Variants in CTDSPL observed in about 807,000 individuals in gnomAD.
CTDSPL encodes the protein CTD small phosphatase-like protein.
Under a neutral mutation model 30.5 loss-of-function variants are expected in CTDSPL, and 8 were observed. The ratio of observed to expected loss-of-function variants is 0.26; its 90% CI spans 0.15 to 0.47. The LOEUF (loss-of-function observed/expected upper bound fraction) is 0.47. CTDSPL is among the 20% of genes least tolerant of loss of function. The probability of loss-of-function intolerance (pLI) is 0.99; values close to 1 mark genes in which losing one functional copy is unlikely to be tolerated. For synonymous variants in CTDSPL, 110 were observed against 137.9 expected (o/e 0.80, Z 1.42); for missense variants, 248 against 366.1 (o/e 0.68, Z 2.63).
intron 1 of CTDSPL, chr3:37,911,822 G>GC (rs1160228122): frequency 2.4e-6 from 1 of 424,696 alleles, no homozygotes; most frequent in African/African-American, 2.0e-5. Flanking sequence ...ACTTTGGGAG[G>GC]CCAAGGTGGG....
intron 1 of CTDSPL, among the ~76,000 whole-genome samples, chr3:37,942,754 C>T (rs1425147823): frequency 6.6e-6 from 1 of 150,526 alleles, no homozygotes; most frequent in Non-Finnish European, 1.5e-5. Flanking sequence ...CCCCATTTTA[C>T]AGATAAAGAA....
intron 1 of CTDSPL, among the ~76,000 whole-genome samples, chr3:37,865,760 A>T (rs1446914569): frequency 6.6e-6 from 1 of 152,166 alleles, no homozygotes; most frequent in Non-Finnish European, 1.5e-5. Context: ...GGGCTGGAAA[A>T]AGAGTGCCAG....
rs1012297139 is a variant in CTDSPL, at chr3:37,862,146, C to T, written c.-54C>T. The T allele has an allele frequency of 1.7e-5, 16 of 941,858 alleles. No homozygotes were observed. Among genetic ancestry groups the T allele is most frequent in the Non-Finnish European group, 2.0e-5 (16 of 792,630 alleles). 58.3% of individuals were successfully genotyped at this position (941,858 alleles called of 1,614,324 possible). A position where few individuals can be genotyped will look rare whatever the true frequency, so the allele number is the denominator to read the frequency against. On this transcript the variant is annotated 5_prime_UTR_variant, in exon 1 of 8. Coordinates refer to ENST00000273179, the MANE Select transcript of CTDSPL (RefSeq NM_001008392.2). The surrounding 1 kb of genome is among the most constrained non-coding windows in gnomAD (Gnocchi z 4.3). ...CCGCGCCCCCCGCGCCGCGCCCCCG[C>T]GCGCTTGGCTTGCGGGGGGCCGGGC... is the stretch of plus-strand genomic sequence containing the variant.
intron 1 of CTDSPL, among the ~76,000 whole-genome samples, chr3:37,885,046 A>C (rs1258306885): frequency 6.6e-6 from 1 of 152,208 alleles, no homozygotes; most frequent in Non-Finnish European, 1.5e-5. Flanking sequence ...ATGGAGTTAG[A>C]GGGTGGCCCA....
intron 5 of CTDSPL, chr3:37,969,362 A>G (rs769257509): frequency 2.0e-6 from 1 of 508,430 alleles, no homozygotes; most frequent in Admixed American, 2.1e-5. Flanking sequence ...GAATGAAGCC[A>G]CAGGAGCCAA....
rs112119621 is a variant in CTDSPL, at chr3:37,900,889, C to G, written c.79+38611C>G. Among the ~76,000 whole-genome samples, 222 of 152,324 alleles carry G rather than the reference C, an allele frequency of 1.5e-3. 2 individuals carry two copies. The highest frequency in any genetic ancestry group is 5.1e-3 in the African/African-American group (212 of 41,578). Reference sequence around the variant, plus strand: ...TCTCGGCTTACTGCAACCTCCGTCTCCCAATTCAAGCAATTCTCCTGCCTC... The same window carrying G: ...TCTCGGCTTACTGCAACCTCCGTCTGCCAATTCAAGCAATTCTCCTGCCTC... On this transcript the variant is annotated intron_variant, in intron 1 of 7. Coordinates refer to ENST00000273179, the MANE Select transcript of CTDSPL (RefSeq NM_001008392.2).
rs1050185819 is a variant in CTDSPL, at chr3:37,944,454, T to C, written c.80-2603T>C. On this transcript the variant is annotated intron_variant, in intron 1 of 7. Coordinates refer to ENST00000273179, the MANE Select transcript of CTDSPL (RefSeq NM_001008392.2). ...GTTTATGAGCAAATCAAGGACCTTC[T>C]GGATGATAGCTGGGGGAGAGAAGTA... Among the ~76,000 whole-genome samples the C allele has an allele frequency of 2.0e-5, 3 of 150,268 alleles. 1 individual carries two copies. The highest frequency in any genetic ancestry group is 4.5e-5 in the Non-Finnish European group (3 of 67,102).
intron 1 of CTDSPL, among the ~76,000 whole-genome samples, chr3:37,939,805 A>T (rs1199097104): frequency 6.6e-6 from 1 of 150,466 alleles, no homozygotes; most frequent in African/African-American, 2.4e-5. Context: ...TCAAGAAGGC[A>T]TTTCTGGGCT....
At chr3:37,954,788 A>T (rs1699150902) in intron 2 of CTDSPL, 1 of 152,258 alleles carries the variant, frequency 6.6e-6, no homozygotes, top group African/African-American at 2.4e-5. Context: ...GGCTGGGAGG[A>T]GTCAGCACCC....
At chr3:37,883,940 C>A (rs1341244916) in intron 1 of CTDSPL, among the ~76,000 whole-genome samples, 1 of 152,044 alleles carries the variant, frequency 6.6e-6, no homozygotes, top group Non-Finnish European at 1.5e-5. Context: ...CTTTTTCATT[C>A]TTGATATTAG....
intron 4 of CTDSPL, among the ~76,000 whole-genome samples, chr3:37,967,472 C>T (rs1699310784): frequency 6.6e-6 from 1 of 152,242 alleles, no homozygotes; most frequent in African/African-American, 2.4e-5. Context: ...ACATGCTCAG[C>T]TCCTCCCCCT....
chr3:37,865,496 A>C, intron 1 of CTDSPL, among the ~76,000 whole-genome samples: 1 of 152,264 alleles, frequency 6.6e-6, no homozygotes, highest in African/African-American at 2.4e-5. Context: ...TAAAGTGAGT[A>C]CAGAGTTTTT....
chr3:37,911,544 T>C (rs975399823), intron 1 of CTDSPL: 1 of 372,296 alleles, frequency 2.7e-6, no homozygotes, highest in Admixed American at 3.1e-5. Flanking sequence ...CTTCTTTATC[T>C]GAATTAGCTA....
At position 37,862,343 on chromosome 3, in the gene CTDSPL, C is replaced by T. The variant is rs1005657422; in HGVS notation, c.79+65C>T. ...GCACACCCCGCGCCGCTGGAGTTCA[C>T]TGCCGGGCGCCGGCATGGGCCTGGG... is the stretch of plus-strand genomic sequence containing the variant. On this transcript the variant is annotated intron_variant, in intron 1 of 7. Coordinates refer to ENST00000273179, the MANE Select transcript of CTDSPL (RefSeq NM_001008392.2). The surrounding 1 kb of genome is among the most constrained non-coding windows in gnomAD (Gnocchi z 4.3). The T allele has an allele frequency of 3.0e-6, 4 of 1,345,542 alleles. No individual in the cohort carries two copies. Among genetic ancestry groups the T allele is most frequent in the African/African-American group, 3.1e-5 (2 of 64,342 alleles). 83.4% of individuals were successfully genotyped at this position (1,345,542 alleles called of 1,614,324 possible).
chr3:37,900,092 T>A (rs1177997964), intron 1 of CTDSPL, among the ~76,000 whole-genome samples: 1 of 152,188 alleles, frequency 6.6e-6, no homozygotes, highest in Non-Finnish European at 1.5e-5. Context: ...AAAATGAGAA[T>A]TTTTGTTGCC....
Position 37,927,632 on chromosome 3 carries a change from ATATATGTGTGTGTG to A in CTDSPL, c.80-19423_80-19410del, listed in dbSNP as rs1402714518. On this transcript the variant is annotated intron_variant, in intron 1 of 7. Coordinates refer to ENST00000273179, the MANE Select transcript of CTDSPL (RefSeq NM_001008392.2). ...TTGTTTAATTGTGGTTAAAAGAAAA[ATATATGTGTGTGTG>A]TGTGTGTGTGTGTGTGTGTGTGTGT... Among the ~76,000 whole-genome samples, 167 of 83,898 alleles carry A rather than the reference ATATATGTGTGTGTG, an allele frequency of 2.0e-3. 1 individual carries two copies. The highest frequency in any genetic ancestry group is 9.3e-3 in the African/African-American group (163 of 17,614). The allele number at this position is 83,898 out of a possible 152,430, so 55.0% of individuals were successfully genotyped here.
At chr3:37,960,754 G>C (rs1445983380) in intron 3 of CTDSPL, among the ~76,000 whole-genome samples, 2 of 151,548 alleles carry the variant, frequency 1.3e-5, no homozygotes, top group African/African-American at 4.8e-5. Context: ...ACAAAACAAA[G>C]ATTGGTATCA....
intron 2 of CTDSPL, chr3:37,955,042 A>G (rs1699155675): frequency 6.6e-6 from 1 of 152,144 alleles, no homozygotes; most frequent in Non-Finnish European, 1.5e-5. Context: ...TGCTCATCTC[A>G]TCGAAAGTGT....
chr3:37,939,410 T>G (rs13079989), intron 1 of CTDSPL, among the ~76,000 whole-genome samples: 7,489 of 150,404 alleles, frequency 0.05, 544 homozygotes, highest in African/African-American at 0.11. Flanking sequence ...TCCATGTAAC[T>G]TATATTTAAA....
Sources: gnomAD v4.1 joint callset for allele counts (sites outside exome capture counted in the v4.1 genomes callset) on GRCh38, gnomAD v4.1.1 for gene constraint, Gnocchi (gnomAD v3.1) non-coding constraint, MANE v1.5 for transcripts, NCBI Gene and HGNC (gene_info 2026-07-23, HGNC 2026-07-21) for gene names.